Variants in PTPRE observed in about 807,000 individuals in gnomAD.
The protein encoded by PTPRE is protein tyrosine phosphatase receptor type E.
PTPRE carries 51 observed loss-of-function variants against 102.0 expected under a neutral mutation model. The observed-to-expected ratio is 0.50, with a 90% CI of 0.40 to 0.63. The LOEUF is 0.63. Ranked by LOEUF, PTPRE falls within the 30% of genes least tolerant of loss-of-function variation. The pLI, the probability that PTPRE is intolerant of heterozygous loss-of-function variation, is 0.00. For missense variants in PTPRE, 752 were observed against 915.1 expected, an observed-to-expected ratio of 0.82 and a Z score of 2.30; for synonymous variants, 345 against 348.2, an observed-to-expected ratio of 0.99 and a Z score of 0.10.
intron 2 of PTPRE, among the ~76,000 whole-genome samples, chr10:127,986,412 T>C (rs993179891): frequency 1.3e-5 from 2 of 152,238 alleles, no homozygotes; most frequent in African/African-American, 4.8e-5. Context: ...CTTTGAGGTC[T>C]TATATTGTTA....
rs780978073 is a variant in PTPRE, at chr10:128,076,724, A to G, written c.1721A>G (p.Asn574Ser). ...ISIRDFLVTL[N>S]QPQARQEEQV... Reference sequence around the variant, plus strand: ...ATACGAGACTTTCTGGTCACTCTCAATCAGGTATTGTTGAAGTAGCTCTTT... The same window carrying G: ...ATACGAGACTTTCTGGTCACTCTCAGTCAGGTATTGTTGAAGTAGCTCTTT... Residue 574 changes from asparagine (N) to serine (S), a missense_variant, in exon 18 of 21, where the codon AAT (asparagine) becomes AGT (serine). By Grantham distance (46) the Asn-to-Ser change is conservative. Transcript: ENST00000254667. 8.7e-6 allele frequency: 14 copies of G among 1,611,328 alleles called. No individual in the cohort carries two copies. The highest frequency in any genetic ancestry group is 6.7e-5 in the African/African-American group (5 of 74,764).
chr10:127,986,834 C>T (rs1165121867), intron 2 of PTPRE, among the ~76,000 whole-genome samples: 1 of 152,224 alleles, frequency 6.6e-6, no homozygotes, highest in Non-Finnish European at 1.5e-5. Flanking sequence ...ATGCCCCGGG[C>T]CGGCCTTCAG....
chr10:128,040,787 G>A, intron 2 of PTPRE, 88 bp from the exon 3 acceptor site: 1 of 960,392 alleles, frequency 1.0e-6, no homozygotes, highest in Non-Finnish European at 1.6e-6. Flanking sequence ...AATGAAGTTG[G>A]CTCTTCTCCT....
chr10:127,909,415 CT>C (rs1261553876), intron 1 of PTPRE, among the ~76,000 whole-genome samples: 1 of 152,172 alleles, frequency 6.6e-6, no homozygotes, highest in Non-Finnish European at 1.5e-5. Context: ...CACCATTAGC[CT>C]AGTCTAAGGT....
intron 1 of PTPRE, among the ~76,000 whole-genome samples, chr10:127,952,594 C>A (rs1373516906): frequency 6.6e-6 from 1 of 152,176 alleles, no homozygotes; most frequent in Admixed American, 6.5e-5. Context: ...CCCTACCCAA[C>A]AATCAATAGG....
At chr10:127,962,690 C>T (rs114991110) in intron 1 of PTPRE, among the ~76,000 whole-genome samples, 1,800 of 152,350 alleles carry the variant, frequency 0.012, 26 homozygotes, top group African/African-American at 0.041. Flanking sequence ...CCCTCCCCAA[C>T]GCCCAGGACA....
In PTPRE at chr10:128,082,964, T is replaced by G. The variant is rs754380389; in HGVS notation, c.*58T>G. On this transcript the variant is annotated 3_prime_UTR_variant, in exon 21 of 21. Transcript: ENST00000254667. Reference sequence around the variant, plus strand: ...TGGTCAGTATATTTTGTAAAAATCATGTTAATTTATTTCATAGTTGACATT... The same window carrying G: ...TGGTCAGTATATTTTGTAAAAATCAGGTTAATTTATTTCATAGTTGACATT... 9.9e-6 allele frequency: 14 copies of G among 1,410,478 alleles called. No individual in the cohort carries two copies. Among genetic ancestry groups the G allele is most frequent in the Non-Finnish European group, 1.3e-5 (14 of 1,064,572 alleles). The allele number at this position is 1,410,478 out of a possible 1,614,324, so 87.4% of individuals were successfully genotyped here. A position where few individuals can be genotyped will look rare whatever the true frequency, so the allele number is the denominator to read the frequency against.
chr10:128,084,303 CTT>C lies in PTPRE; in HGVS notation c.*1406_*1407del, dbSNP rs10537899. ...GCATTTAACACGTGCATTTTTGGTACTTTTTTTTTTGTTTTCTAAAAGCTACA... is the reference window on the plus strand; with the variant it reads ...GCATTTAACACGTGCATTTTTGGTACTTTTTTTTGTTTTCTAAAAGCTACA... On this transcript the variant is annotated 3_prime_UTR_variant, in exon 21 of 21. Coordinates refer to ENST00000254667, the MANE Select transcript of PTPRE (RefSeq NM_006504.6). 0.55 allele frequency: 82,830 copies of C among 151,182 alleles called. 22,773 individuals carry two copies. The highest frequency in any genetic ancestry group is 0.62 in the Admixed American group (9,454 of 15,208). The allele number at this position is 151,182 out of a possible 1,614,324, so 9.4% of individuals were successfully genotyped here.
At position 128,068,191 on chromosome 10, in the gene PTPRE, C is replaced by T. The variant is rs759996717; in HGVS notation, c.912C>T (p.Phe304=). Residue 304 remains phenylalanine (F), a synonymous_variant, in exon 12 of 21, where the codon TTC becomes TTT. Transcript: ENST00000254667. ...SQLHFTSWPD[F]GVPFTPIGML... ...TGCACTTCACCAGCTGGCCCGACTT[C>T]GGAGTGCCTTTTACCCCCATTGGGA... 47 of 1,614,062 alleles carry T rather than the reference C, an allele frequency of 2.9e-5. No individual in the cohort carries two copies. Among genetic ancestry groups the T allele is most frequent in the Admixed American group, 5.0e-5 (3 of 60,008 alleles).
chr10:127,909,687 G>C (rs1458627572), intron 1 of PTPRE, among the ~76,000 whole-genome samples: 1 of 152,214 alleles, frequency 6.6e-6, no homozygotes, highest in African/African-American at 2.4e-5. Flanking sequence ...TCTGTGAAGA[G>C]AGGGCAATAC....
At chr10:127,923,299 C>CA (rs1441086749) in intron 1 of PTPRE, among the ~76,000 whole-genome samples, 6 of 152,068 alleles carry the variant, frequency 3.9e-5, no homozygotes, top group Non-Finnish European at 5.9e-5. Context: ...GACCTGGCCC[C>CA]AGGAGTCTTG....
In PTPRE at chr10:128,070,435, G is replaced by A. The variant is rs1012377069; in HGVS notation, c.1278G>A (p.Leu426=). 2 of 1,613,770 alleles carry A rather than the reference G, an allele frequency of 1.2e-6. No individual in the cohort carries two copies. The highest frequency in any genetic ancestry group is 1.7e-6 in the Non-Finnish European group (2 of 1,179,870). The part of the protein sequence containing the change: ...GTTTHFDKIG[L]EEEFRKLTNV... ...CCACCCACTTCGACAAGATCGGGCTGGAGGAGGAGTTCAGGGTGAGTACAG... is the reference window on the plus strand; with the variant it reads ...CCACCCACTTCGACAAGATCGGGCTAGAGGAGGAGTTCAGGGTGAGTACAG... Residue 426 remains leucine, a synonymous_variant, in exon 14 of 21, where the codon CTG becomes CTA. Transcript: ENST00000254667. The surrounding 1 kb of genome is among the most constrained non-coding windows in gnomAD (Gnocchi z 4.8).
intron 1 of PTPRE, chr10:127,964,681 C>T (rs775808415): frequency 3.3e-5 from 6 of 180,410 alleles, no homozygotes; most frequent in Non-Finnish European, 5.9e-5. Flanking sequence ...AGGGCACTCG[C>T]ATTACCTGGC....
chr10:127,992,152 T>C (rs1264506127), intron 2 of PTPRE, among the ~76,000 whole-genome samples: 1 of 150,726 alleles, frequency 6.6e-6, no homozygotes, highest in Non-Finnish European at 1.5e-5. Context: ...ATCAGAGGGG[T>C]GAGAAAGGGA....
At chr10:127,918,738 C>T (rs1445835589) in intron 1 of PTPRE, among the ~76,000 whole-genome samples, 6 of 152,234 alleles carry the variant, frequency 3.9e-5, no homozygotes, top group Admixed American at 2.6e-4. Flanking sequence ...TTGGCAGAGT[C>T]GGAGGACAGA....
chr10:128,050,429 G>A (rs1848480018), intron 6 of PTPRE, among the ~76,000 whole-genome samples: 1 of 151,058 alleles, frequency 6.6e-6, no homozygotes, highest in South Asian at 2.1e-4. Flanking sequence ...TGGATGGATG[G>A]ATGGGTGGAT....
intron 1 of PTPRE, among the ~76,000 whole-genome samples, chr10:127,949,501 G>T (rs372406312): frequency 8.5e-5 from 13 of 152,140 alleles, no homozygotes; most frequent in African/African-American, 2.4e-4. Flanking sequence ...TTGTAAATAT[G>T]CAAAATAAAT....
intron 2 of PTPRE, among the ~76,000 whole-genome samples, chr10:128,017,946 G>A (rs1387797584): frequency 1.3e-5 from 2 of 152,208 alleles, no homozygotes; most frequent in Non-Finnish European, 2.9e-5. Context: ...TGCATGCTTC[G>A]CATCACACAC....
At chr10:127,964,535 T>C (rs1162009065) in intron 1 of PTPRE, among the ~76,000 whole-genome samples, 2 of 151,656 alleles carry the variant, frequency 1.3e-5, no homozygotes, top group African/African-American at 4.9e-5. Flanking sequence ...CTAGCCGTCC[T>C]TAAGAATTAA....
Sources: allele counts gnomAD v4.1 joint callset (sites outside exome capture counted in the v4.1 genomes callset), GRCh38; gene constraint gnomAD v4.1.1; non-coding constraint Gnocchi (gnomAD v3.1); transcripts MANE v1.5; gene names NCBI Gene and HGNC (gene_info 2026-07-23, HGNC 2026-07-21).